The following TMEM132B variants were observed in gnomAD, a reference collection of about 807,000 sequenced individuals.
TMEM132B encodes the protein transmembrane protein 132B.
In TMEM132B, 18 loss-of-function variants were observed where a neutral mutation model predicts 90.8. The observed-to-expected ratio is 0.20, with a 90% CI of 0.14 to 0.29. TMEM132B has a LOEUF of 0.29. Among genes scored for constraint, TMEM132B ranks in the 10% least tolerant of loss-of-function variants. The pLI, the probability that TMEM132B is intolerant of heterozygous loss-of-function variation, is 1.00. For synonymous variants in TMEM132B, 504 were observed against 523.3 expected, an observed-to-expected ratio of 0.96 and a Z score of 0.50; for missense variants, 1,096 against 1,326.8, an observed-to-expected ratio of 0.83 and a Z score of 2.70.
At chr12:125,424,444 C>T (rs1165449862) in intron 3 of TMEM132B, among the ~76,000 whole-genome samples, 3 of 152,118 alleles carry the variant, frequency 2.0e-5, no homozygotes, top group East Asian at 3.8e-4. Context: ...TAATTTGCAT[C>T]GACGTAATTT....
intron 3 of TMEM132B, among the ~76,000 whole-genome samples, chr12:125,485,163 T>C (rs1490869742): frequency 6.6e-6 from 1 of 152,222 alleles, no homozygotes; most frequent in Non-Finnish European, 1.5e-5. Context: ...AAGACTTCTT[T>C]TTTGATTTCC....
chr12:125,553,965 G>A (rs759005870), intron 4 of TMEM132B, among the ~76,000 whole-genome samples: 1 of 152,030 alleles, frequency 6.6e-6, no homozygotes, highest in Non-Finnish European at 1.5e-5. Flanking sequence ...ACTGTTCTGT[G>A]ACCTTTAAAA....
intron 1 of TMEM132B, among the ~76,000 whole-genome samples, chr12:125,231,361 A>G (rs1363695434): frequency 6.6e-6 from 1 of 152,106 alleles, no homozygotes; most frequent in Non-Finnish European, 1.5e-5. Context: ...CTGGGCGGAC[A>G]TGAGTTTTGA....
rs1884886922 is a variant in TMEM132B at position 125,574,511 on chromosome 12, C to G, written c.1294-9340C>G. 2.0e-5 allele frequency among the ~76,000 whole-genome samples: 3 copies of G among 152,070 alleles called. No individual in the cohort carries two copies. In the South Asian group the frequency reaches 6.2e-4, roughly 32 times the overall value. On this transcript the variant is annotated intron_variant, in intron 4 of 8. Transcript: ENST00000682704. ...CAGTTCTTTCTAGATCTAAGATATC[C>G]CTAAGATTCAACTGACTCTACGGAT...
chr12:125,390,286 AG>A (rs758670682), intron 2 of TMEM132B, among the ~76,000 whole-genome samples: 12 of 152,242 alleles, frequency 7.9e-5, no homozygotes, highest in Admixed American at 4.6e-4. Context: ...ATATTCATGC[AG>A]TGAGAAAACA....
chr12:125,397,825 T>A (rs1879210801), intron 2 of TMEM132B, among the ~76,000 whole-genome samples: 2 of 152,272 alleles, frequency 1.3e-5, no homozygotes, highest in Admixed American at 1.3e-4. Context: ...TGAAAAGAAG[T>A]GAAGTGGATG....
At chr12:125,287,907 G>A (rs1004546063) in intron 1 of TMEM132B, among the ~76,000 whole-genome samples, 2 of 151,852 alleles carry the variant, frequency 1.3e-5, no homozygotes, top group African/African-American at 2.4e-5. Context: ...TCACTCTGTC[G>A]CCCAGGCTGG....
At chr12:125,574,047 T>G (rs1022589920) in intron 4 of TMEM132B, among the ~76,000 whole-genome samples, 10 of 152,216 alleles carry the variant, frequency 6.6e-5, no homozygotes, top group African/African-American at 2.4e-4. Context: ...GATATTTAGA[T>G]AGTTTTTATC....
chr12:125,306,589 G>A (rs975048478), intron 1 of TMEM132B, among the ~76,000 whole-genome samples: 2 of 152,152 alleles, frequency 1.3e-5, no homozygotes, highest in African/African-American at 2.4e-5. Context: ...TTCCTTCCAA[G>A]CCTCAGCAAA....
At chr12:125,583,382 TTGTGC>T (rs1566080632) in intron 4 of TMEM132B, among the ~76,000 whole-genome samples, 5 of 152,176 alleles carry the variant, frequency 3.3e-5, no homozygotes, top group Non-Finnish European at 5.9e-5. Context: ...AATGTTCAAC[TTGTGC>T]TCTTCTGTTG....
Position 125,313,041 on chromosome 12 carries a change from C to T in TMEM132B, c.68-36411C>T, listed in dbSNP as rs549920230. Among the ~76,000 whole-genome samples, 17 of 152,270 alleles carry T rather than the reference C, an allele frequency of 1.1e-4. No individual in the cohort carries two copies. In the South Asian group the frequency reaches 2.7e-3, roughly 24 times the overall value. On this transcript the variant is annotated intron_variant, in intron 1 of 8. Transcript: ENST00000682704. The stretch of plus-strand genomic sequence containing the variant: ...TGCATAATTTTTATTGGACACCCCT[C>T]GTGTGAGCTGGGAGTGCGAGTGCCT...
chr12:125,505,319 G>A (rs1882818841), intron 3 of TMEM132B, among the ~76,000 whole-genome samples: 1 of 151,654 alleles, frequency 6.6e-6, no homozygotes, highest in South Asian at 2.1e-4. Flanking sequence ...CTACTGAAAG[G>A]AAAGACATGA....
intron 3 of TMEM132B, among the ~76,000 whole-genome samples, chr12:125,431,831 G>A (rs868610657): frequency 3.9e-5 from 6 of 152,190 alleles, no homozygotes; most frequent in South Asian, 2.1e-4. Context: ...CAGAAGGCTC[G>A]TGGTGGGTGG....
At chr12:125,622,592 T>C in intron 5 of TMEM132B, 1 of 985,534 alleles carries the variant, frequency 1.0e-6, no homozygotes, top group Middle Eastern at 5.2e-4. Flanking sequence ...TGTGTTCTTA[T>C]TTGCTGGGTC....
At chr12:125,266,873 G>T (rs188360626) in intron 1 of TMEM132B, among the ~76,000 whole-genome samples, 1 of 152,182 alleles carries the variant, frequency 6.6e-6, no homozygotes, top group South Asian at 2.1e-4. Context: ...ATTTGAAAGC[G>T]AATGTGTCCC....
At chr12:125,282,583 C>T (rs1875226629) in intron 1 of TMEM132B, among the ~76,000 whole-genome samples, 1 of 152,210 alleles carries the variant, frequency 6.6e-6, no homozygotes, top group African/African-American at 2.4e-5. Flanking sequence ...GGCCCAAGGG[C>T]AGCTATGTTG....
intron 1 of TMEM132B, among the ~76,000 whole-genome samples, chr12:125,245,798 C>T (rs1874194991): frequency 6.6e-6 from 1 of 152,172 alleles, no homozygotes; most frequent in African/African-American, 2.4e-5. Flanking sequence ...GTCCCAGACC[C>T]TTCCAGCCTC....
At chr12:125,577,239 G>T (rs953560828) in intron 4 of TMEM132B, among the ~76,000 whole-genome samples, 1 of 151,310 alleles carries the variant, frequency 6.6e-6, no homozygotes, top group East Asian at 1.9e-4. Flanking sequence ...TTATGAATTT[G>T]CTCTTTTCAT....
chr12:125,541,697 G>T (rs1675573464), intron 4 of TMEM132B, among the ~76,000 whole-genome samples: 1 of 151,676 alleles, frequency 6.6e-6, no homozygotes, highest in African/African-American at 2.4e-5. Flanking sequence ...AGGAGACATA[G>T]ACAGATGCAA....
Sources: allele counts gnomAD v4.1 joint callset (sites outside exome capture counted in the v4.1 genomes callset), GRCh38; gene constraint gnomAD v4.1.1; transcripts MANE v1.5; gene names NCBI Gene and HGNC (gene_info 2026-07-23, HGNC 2026-07-21).